Variants in MALL observed in about 807,000 individuals in gnomAD.
MALL encodes mal, T cell differentiation protein like, also known as MAL-like protein.
In MALL, 2 loss-of-function variants were observed where a neutral mutation model predicts 10.3. That is an observed-to-expected ratio of 0.19 (90% CI 0.08 to 0.61). The LOEUF is 0.61. MALL is among the 20% of genes least tolerant of loss of function. MALL has a pLI of 0.88. For synonymous variants in MALL, 27 were observed against 51.8 expected (o/e 0.52, Z 2.05); for missense variants, 39 against 115.2 (o/e 0.34, Z 3.03).
At chr2:110,101,514 C>T (rs115500776) in intron 1 of MALL, among the ~76,000 whole-genome samples, 1,841 of 152,248 alleles carry the variant, frequency 0.012, 20 homozygotes, top group Non-Finnish European at 0.017. Flanking sequence ...TGGGAACTCG[C>T]GTCCGCAGCT....
intron 1 of MALL, among the ~76,000 whole-genome samples, chr2:110,103,579 G>C (rs1225334613): frequency 6.6e-6 from 1 of 152,210 alleles, no homozygotes. Context: ...ATGGCGGAGA[G>C]AGCCAGCACT....
chr2:110,115,541 C>CG (rs1553478751), intron 1 of MALL, 147 bp downstream of exon 1: 1 of 402,452 alleles, frequency 2.5e-6, no homozygotes. Flanking sequence ...GGTCTCCCCC[C>CG]CCCTCTCTGC....
At chr2:110,112,708 T>C (rs1678829853) in intron 1 of MALL, among the ~76,000 whole-genome samples, 1 of 151,984 alleles carries the variant, frequency 6.6e-6, no homozygotes, top group African/African-American at 2.4e-5. Flanking sequence ...AGAACTACCA[T>C]TTGATCCAGC....
At chr2:110,103,200 G>A (rs919928440) in intron 1 of MALL, among the ~76,000 whole-genome samples, 3 of 152,136 alleles carry the variant, frequency 2.0e-5, no homozygotes, top group Non-Finnish European at 4.4e-5. Context: ...TGGTGCCATG[G>A]GGAGCTAGTG....
upstream of MALL, chr2:110,116,073 A>T: frequency 3.0e-6 from 1 of 335,374 alleles, no homozygotes; most frequent in Non-Finnish European, 5.4e-6. Flanking sequence ...GGAATCTTTG[A>T]CCCCCGGAGC....
chr2:110,115,826 T>TCGCCCGCGCGCAGCC (rs1287927073), upstream of MALL: 10 of 1,053,286 alleles, frequency 9.5e-6, no homozygotes, highest in East Asian at 3.3e-4. Flanking sequence ...CCGCGGCAGC[T>TCGCCCGCGCGCAGCC]CGCCCGCGCG....
upstream of MALL, chr2:110,116,689 C>G (rs569863137): frequency 3.3e-5 from 5 of 152,462 alleles, no homozygotes; most frequent in East Asian, 9.6e-4. Context: ...AGGGCTGTGA[C>G]CCAGAGGCAA....
upstream of MALL, among the ~76,000 whole-genome samples, chr2:110,116,718 A>G (rs17461334): frequency 3.6e-3 from 541 of 152,226 alleles, 1 homozygote; most frequent in Admixed American, 5.8e-3. Flanking sequence ...TTTCACACCA[A>G]ATACAAGTCC....
At chr2:110,103,860 C>T (rs776819950) in intron 1 of MALL, among the ~76,000 whole-genome samples, 12 of 152,110 alleles carry the variant, frequency 7.9e-5, no homozygotes, top group South Asian at 6.2e-4. Context: ...AGACAGGGGC[C>T]GGAGTGGCCA....
At chr2:110,117,622 T>TGAGA (rs1484856700), upstream of MALL, among the ~76,000 whole-genome samples, 8 of 120,610 alleles carry the variant, frequency 6.6e-5, no homozygotes, top group Admixed American at 1.7e-4. Context: ...TGTGTGTGTG[T>TGAGA]GTGAGAGAGA....
At chr2:110,117,700 G>A (rs1678949773), upstream of MALL, among the ~76,000 whole-genome samples, 1 of 150,822 alleles carries the variant, frequency 6.6e-6, no homozygotes, top group Admixed American at 6.6e-5. Flanking sequence ...TTAGGATCAT[G>A]GTTCCTCTGA....
intron 1 of MALL, 145 bp downstream of exon 1, chr2:110,115,543 C>CG (rs796171931): frequency 4.6e-6 from 2 of 433,012 alleles, no homozygotes; most frequent in African/African-American, 4.4e-5. Flanking sequence ...TCTCCCCCCC[C>CG]CTCTCTGCAG....
intron 1 of MALL, among the ~76,000 whole-genome samples, chr2:110,097,872 T>C (rs1271188092): frequency 6.6e-6 from 1 of 152,116 alleles, no homozygotes; most frequent in Non-Finnish European, 1.5e-5. Context: ...CCTCTCCTTC[T>C]CTTCCCTGGC....
At chr2:110,104,774 G>C (rs1678650635) in intron 1 of MALL, among the ~76,000 whole-genome samples, 1 of 152,184 alleles carries the variant, frequency 6.6e-6, no homozygotes, top group African/African-American at 2.4e-5. Flanking sequence ...TGCATCTTCA[G>C]TGTGTTAGTT....
intron 1 of MALL, among the ~76,000 whole-genome samples, chr2:110,106,927 C>T (rs1353395784): frequency 6.6e-6 from 1 of 152,206 alleles, no homozygotes; most frequent in Non-Finnish European, 1.5e-5. Context: ...TTGGATGGTG[C>T]TCAAGAGCAT....
At chr2:110,113,301 T>A (rs1240642207) in intron 1 of MALL, among the ~76,000 whole-genome samples, 1 of 151,278 alleles carries the variant, frequency 6.6e-6, no homozygotes, top group Non-Finnish European at 1.5e-5. Flanking sequence ...TAGCTGGGCA[T>A]GGTGGGGGCA....
intron 1 of MALL, among the ~76,000 whole-genome samples, chr2:110,114,640 G>T (rs1269265335): frequency 6.6e-6 from 1 of 151,290 alleles, no homozygotes; most frequent in South Asian, 2.1e-4. Context: ...CTTTCTGGTC[G>T]CCATCAATGG....
At chr2:110,114,839 G>A (rs369518638) in intron 1 of MALL, among the ~76,000 whole-genome samples, 5 of 152,076 alleles carry the variant, frequency 3.3e-5, no homozygotes, top group African/African-American at 1.2e-4. Context: ...AGAAGGTGCT[G>A]GAAAAAGAAA....
At chr2:110,097,878 C>T (rs1194592116) in intron 1 of MALL, among the ~76,000 whole-genome samples, 1 of 152,106 alleles carries the variant, frequency 6.6e-6, no homozygotes, top group East Asian at 1.9e-4. Context: ...CTTCTCTTCC[C>T]TGGCACTCAG....
Sources: gnomAD v4.1 joint callset for allele counts (sites outside exome capture counted in the v4.1 genomes callset) on GRCh38, gnomAD v4.1.1 for gene constraint, MANE v1.5 for transcripts, NCBI Gene and HGNC (gene_info 2026-07-23, HGNC 2026-07-21) for gene names.